The following RAP1A variants were observed in gnomAD, a reference collection of about 807,000 sequenced individuals.
RAP1A encodes the protein ras-related protein Rap-1A.
Under a neutral mutation model 26.4 loss-of-function variants are expected in RAP1A, and 6 were observed. That is an observed-to-expected ratio of 0.23 (90% CI 0.12 to 0.45). The LOEUF (loss-of-function observed/expected upper bound fraction) is 0.45. Among genes scored for constraint, RAP1A ranks in the 20% least tolerant of loss-of-function variants. The pLI, the probability that RAP1A is intolerant of heterozygous loss-of-function variation, is 0.99. For missense variants in RAP1A, 121 were observed against 217.2 expected, an observed-to-expected ratio of 0.56 and a Z score of 2.78; for synonymous variants, 73 against 79.4, an observed-to-expected ratio of 0.92 and a Z score of 0.43.
chr1:111,622,419 G>A (rs967194084), intron 1 of RAP1A, among the ~76,000 whole-genome samples: 5 of 152,134 alleles, frequency 3.3e-5, no homozygotes, highest in African/African-American at 4.8e-5. Context: ...CAAATACACT[G>A]AGGTGTCTGC....
intron 1 of RAP1A, among the ~76,000 whole-genome samples, chr1:111,594,594 G>A (rs72695259): frequency 0.54 from 79,868 of 148,450 alleles, 22,397 homozygotes; most frequent in South Asian, 0.64. Context: ...GGAAGGGAGG[G>A]AGGAAGGAAG....
At position 111,576,235 on chromosome 1, in the gene RAP1A, C is replaced by G. The variant is rs80078709; in HGVS notation, c.-28+33726C>G. Among the ~76,000 whole-genome samples, 776 of 152,322 alleles carry G rather than the reference C, an allele frequency of 5.1e-3. 5 individuals are homozygous for G. The highest frequency in any genetic ancestry group is 0.017 in the African/African-American group (726 of 41,564). On this transcript the variant is annotated intron_variant, in intron 1 of 7. Transcript: ENST00000356415. ...TGATGCTACTGGTTACAGGACCACA[C>G]CAGGCAACACTGAAGAAATAGGTTG...
At chr1:111,695,514 A>C in intron 3 of RAP1A, 105 bp downstream of exon 3, 1 of 725,234 alleles carries the variant, frequency 1.4e-6, no homozygotes, top group Non-Finnish European at 2.1e-6. Flanking sequence ...AAATAATACA[A>C]ATATTGTGCA....
chr1:111,592,094 C>T (rs1480330678), intron 1 of RAP1A, among the ~76,000 whole-genome samples: 1 of 152,194 alleles, frequency 6.6e-6, no homozygotes, highest in Non-Finnish European at 1.5e-5. Flanking sequence ...AATGAATACT[C>T]CCTGCATGCT....
chr1:111,567,855 C>G (rs1657958344), intron 1 of RAP1A, among the ~76,000 whole-genome samples: 1 of 152,232 alleles, frequency 6.6e-6, no homozygotes, highest in Non-Finnish European at 1.5e-5. Flanking sequence ...TCACCTTGAT[C>G]TTGGTCATCC....
At chr1:111,651,315 C>T (rs1293087636) in intron 1 of RAP1A, among the ~76,000 whole-genome samples, 3 of 152,116 alleles carry the variant, frequency 2.0e-5, no homozygotes, top group Admixed American at 6.5e-5. Flanking sequence ...ATAATTTTGA[C>T]TCTTAAGGGC....
chr1:111,695,542 C>G, intron 3 of RAP1A, 133 bp downstream of exon 3: 1 of 584,090 alleles, frequency 1.7e-6, no homozygotes, highest in Non-Finnish European at 2.8e-6. Flanking sequence ...TTAAAAGTTT[C>G]ATCAAGACAG....
intron 1 of RAP1A, among the ~76,000 whole-genome samples, chr1:111,637,270 GTACA>G (rs1659754414): frequency 6.6e-6 from 1 of 152,000 alleles, no homozygotes; most frequent in Non-Finnish European, 1.5e-5. Context: ...TTAGTTAAAT[GTACA>G]TAGATTACTT....
chr1:111,556,043 A>C (rs961735880), intron 1 of RAP1A, among the ~76,000 whole-genome samples: 2 of 152,346 alleles, frequency 1.3e-5, no homozygotes, highest in South Asian at 4.1e-4. Flanking sequence ...TATAAAACGC[A>C]CAAGAAACTC....
chr1:111,648,755 C>T, intron 1 of RAP1A: 1 of 602,884 alleles, frequency 1.7e-6, no homozygotes, highest in Non-Finnish European at 3.1e-6. Context: ...TGGTGCCCTC[C>T]TCAATCTGCT....
At chr1:111,556,864 T>C (rs917252201) in intron 1 of RAP1A, among the ~76,000 whole-genome samples, 3 of 151,962 alleles carry the variant, frequency 2.0e-5, no homozygotes, top group African/African-American at 7.3e-5. Context: ...GTCACTGAAC[T>C]GTACACTTAG....
chr1:111,559,759 T>G (rs1006643520), intron 1 of RAP1A, among the ~76,000 whole-genome samples: 1 of 152,226 alleles, frequency 6.6e-6, no homozygotes, highest in African/African-American at 2.4e-5. Context: ...AAACTTTCCT[T>G]CCTTCAATTG....
intron 1 of RAP1A, chr1:111,648,391 C>T (rs181709778): frequency 3.2e-6 from 2 of 623,534 alleles, no homozygotes; most frequent in Admixed American, 4.1e-5. Flanking sequence ...TGCTGCTGTC[C>T]AGGGCATCAC....
chr1:111,588,810 GA>G (rs1329878558), intron 1 of RAP1A, among the ~76,000 whole-genome samples: 1 of 152,150 alleles, frequency 6.6e-6, no homozygotes, highest in Non-Finnish European at 1.5e-5. Flanking sequence ...GTCTGCACTA[GA>G]ATATACCCTC....
chr1:111,654,709 T>G (rs916114134), intron 1 of RAP1A, among the ~76,000 whole-genome samples: 1 of 151,588 alleles, frequency 6.6e-6, no homozygotes, highest in African/African-American at 2.4e-5. Context: ...TGAGTAAGTT[T>G]AAGAAGTCCA....
intron 1 of RAP1A, among the ~76,000 whole-genome samples, chr1:111,655,685 T>TTA (rs56947639): frequency 1.1e-4 from 15 of 139,880 alleles, no homozygotes; most frequent in East Asian, 2.1e-4. Flanking sequence ...TTTTTTTTTT[T>TTA]AAGACGGAAT....
chr1:111,593,526 C>T (rs1399157804), intron 1 of RAP1A, among the ~76,000 whole-genome samples: 2 of 152,192 alleles, frequency 1.3e-5, no homozygotes, highest in Non-Finnish European at 1.5e-5. Flanking sequence ...AGCATTGATC[C>T]TGACCATGCC....
intron 1 of RAP1A, among the ~76,000 whole-genome samples, chr1:111,654,197 T>C (rs1366455492): frequency 1.3e-5 from 2 of 152,370 alleles, no homozygotes; most frequent in East Asian, 3.9e-4. Flanking sequence ...GGATTTTAGT[T>C]CATTGCATAT....
chr1:111,577,674 C>T (rs1288515243), intron 1 of RAP1A, among the ~76,000 whole-genome samples: 1 of 152,040 alleles, frequency 6.6e-6, no homozygotes, highest in Non-Finnish European at 1.5e-5. Flanking sequence ...TCCTTAACCT[C>T]TCTGAAGTCT....
Sources: gnomAD v4.1 joint callset for allele counts (sites outside exome capture counted in the v4.1 genomes callset) on GRCh38, gnomAD v4.1.1 for gene constraint, MANE v1.5 for transcripts, NCBI Gene and HGNC (gene_info 2026-07-23, HGNC 2026-07-21) for gene names.